The following CPNE4 variants were observed in gnomAD, a reference collection of about 807,000 sequenced individuals.
CPNE4 encodes copine 4.
In CPNE4, 25 loss-of-function variants were observed where a neutral mutation model predicts 67.9. The ratio of observed to expected loss-of-function variants is 0.37; its 90% CI spans 0.27 to 0.51. The LOEUF (loss-of-function observed/expected upper bound fraction) is 0.51, where lower values mean the gene tolerates loss of function less well. CPNE4 is among the 20% of genes least tolerant of loss of function. The pLI, the probability that CPNE4 is intolerant of heterozygous loss-of-function variation, is 0.93. For missense variants in CPNE4, 464 were observed against 690.8 expected (o/e 0.67, Z 3.68); for synonymous variants, 242 against 244.9 (o/e 0.99, Z 0.11).
chr3:131,773,458 C>T (rs1422270230), intron 2 of CPNE4, among the ~76,000 whole-genome samples: 3 of 152,044 alleles, frequency 2.0e-5, no homozygotes, highest in African/African-American at 7.2e-5. Flanking sequence ...AGCGATTCTC[C>T]TGCCTCAGCC....
At chr3:131,750,583 T>C (rs1363613012) in intron 2 of CPNE4, among the ~76,000 whole-genome samples, 2 of 152,144 alleles carry the variant, frequency 1.3e-5, no homozygotes, top group Non-Finnish European at 2.9e-5. Flanking sequence ...AATGTCCTTT[T>C]ATTATCCCTG....
At chr3:131,603,384 T>G (rs1276790629) in intron 7 of CPNE4, among the ~76,000 whole-genome samples, 1 of 152,152 alleles carries the variant, frequency 6.6e-6, no homozygotes, top group Non-Finnish European at 1.5e-5. Context: ...GGGCACCTAA[T>G]AGGGACTCAA....
chr3:131,724,796 G>A (rs978195142), intron 2 of CPNE4, among the ~76,000 whole-genome samples: 2 of 152,060 alleles, frequency 1.3e-5, no homozygotes, highest in Admixed American at 6.5e-5. Context: ...GCCCATTCCC[G>A]TGTACAGAGT....
At chr3:131,970,339 T>A (rs2072468617) in intron 1 of CPNE4, among the ~76,000 whole-genome samples, 1 of 152,210 alleles carries the variant, frequency 6.6e-6, no homozygotes, top group Admixed American at 6.5e-5. Context: ...TCACTGAGAT[T>A]TGGAGCTTAT....
chr3:131,845,270 A>T (rs1321721050), intron 2 of CPNE4, among the ~76,000 whole-genome samples: 1 of 152,172 alleles, frequency 6.6e-6, no homozygotes, highest in East Asian at 1.9e-4. Flanking sequence ...ATACTCTACC[A>T]TTCAAATATA....
chr3:131,542,730 C>T lies in CPNE4; in HGVS notation c.1366G>A (p.Ala456Thr). ...VITDMADTRE[A>T]IVHASHLPMS... Reference sequence around the variant, plus strand: ...GGGAGGTGGGAGGCATGGACAATGGCCTCCCGGGTGTCGGCCATGTCTGTG... The same window carrying T: ...GGGAGGTGGGAGGCATGGACAATGGTCTCCCGGGTGTCGGCCATGTCTGTG... Residue 456 changes from alanine (A) to threonine (T), a missense_variant, in exon 15 of 16, where the codon GCC (alanine) becomes ACC (threonine). Around this residue, in one of 6 missense-constraint regions of CPNE4, gnomAD observed 201 missense variants for 357.7 expected, o/e 0.56. Transcript: ENST00000429747. 1.2e-6 allele frequency: 2 copies of T among 1,614,044 alleles called. No individual in the cohort carries two copies. The highest frequency in any genetic ancestry group is 1.7e-6 in the Non-Finnish European group (2 of 1,179,986).
chr3:131,588,666 T>C (rs1938337260), intron 7 of CPNE4, among the ~76,000 whole-genome samples: 1 of 152,198 alleles, frequency 6.6e-6, no homozygotes. Context: ...TGTTTCCCCC[T>C]AAATTTATTC....
intron 10 of CPNE4, among the ~76,000 whole-genome samples, chr3:131,568,286 C>A (rs963773645): frequency 8.6e-5 from 13 of 151,788 alleles, no homozygotes; most frequent in African/African-American, 3.1e-4. Context: ...GGTCTTCCAC[C>A]AAGAATTCTC....
intron 7 of CPNE4, among the ~76,000 whole-genome samples, chr3:131,604,674 G>C (rs146356932): frequency 1.5e-3 from 231 of 152,208 alleles, no homozygotes; most frequent in African/African-American, 5.2e-3. Flanking sequence ...CTTCAGTTTT[G>C]GAACTCGGAC....
chr3:131,717,935 T>TTTCTTTCTTTC (rs2081771860), intron 3 of CPNE4, among the ~76,000 whole-genome samples: 1 of 139,454 alleles, frequency 7.2e-6, no homozygotes, highest in South Asian at 2.3e-4. Context: ...TCTTTCTTTC[T>TTTCTTTCTTTC]TTCTTTCTTT....
chr3:131,886,895 C>T (rs573626501), intron 2 of CPNE4, among the ~76,000 whole-genome samples: 2 of 152,304 alleles, frequency 1.3e-5, no homozygotes, highest in East Asian at 1.9e-4. Flanking sequence ...ATTTTACAGG[C>T]TCATAGACAG....
rs188913046 is a variant in CPNE4, at chr3:131,877,130, G to C, written c.180+28134C>G. Among the ~76,000 whole-genome samples the C allele has an allele frequency of 3.3e-3, 501 of 151,966 alleles. 3 individuals are homozygous for C. The highest frequency in any genetic ancestry group is 0.011 in the African/African-American group (460 of 41,436). On this transcript the variant is annotated intron_variant, in intron 2 of 15. Transcript: ENST00000429747. ...TCTAGTAGTAACCAGTGACACACTG[G>C]CCATTAAATGGCCATTGAGATATAA...
At chr3:131,770,034 T>G (rs922280346) in intron 2 of CPNE4, among the ~76,000 whole-genome samples, 1 of 152,170 alleles carries the variant, frequency 6.6e-6, no homozygotes, top group Non-Finnish European at 1.5e-5. Flanking sequence ...AACCTCAACC[T>G]TGAAACGACC....
At chr3:131,863,843 G>C (rs565615996) in intron 2 of CPNE4, among the ~76,000 whole-genome samples, 1 of 152,208 alleles carries the variant, frequency 6.6e-6, no homozygotes, top group East Asian at 1.9e-4. Flanking sequence ...TTTTAGGTCT[G>C]ACATTTAAGT....
chr3:131,875,233 A>G (rs2087388442), intron 2 of CPNE4, among the ~76,000 whole-genome samples: 1 of 152,260 alleles, frequency 6.6e-6, no homozygotes, highest in East Asian at 1.9e-4. Context: ...AAAAAAAAAG[A>G]CTAAATCTTT....
chr3:132,003,034 T>C (rs757111512), intron 1 of CPNE4, among the ~76,000 whole-genome samples: 5 of 152,156 alleles, frequency 3.3e-5, no homozygotes, highest in Admixed American at 6.6e-5. Flanking sequence ...GATCTCCAGA[T>C]GATTCATATG....
chr3:131,989,722 T>G (rs2073133732), intron 1 of CPNE4, among the ~76,000 whole-genome samples: 1 of 136,852 alleles, frequency 7.3e-6, no homozygotes, highest in South Asian at 2.5e-4. Context: ...AGGTGAGGAA[T>G]AAATCCAAAT....
intron 1 of CPNE4, among the ~76,000 whole-genome samples, chr3:131,953,246 A>AAAAAAAT (rs1354326085): frequency 6.2e-5 from 4 of 65,014 alleles, no homozygotes; most frequent in Admixed American, 1.7e-4. Context: ...AATTAAAAAA[A>AAAAAAAT]AAAAAAAAAA....
chr3:132,037,738 C>A, upstream of CPNE4: 1 of 718,638 alleles, frequency 1.4e-6, no homozygotes, highest in Non-Finnish European at 2.4e-6. Flanking sequence ...AGGAGGCATC[C>A]GCTCAGTGTC....
Sources: gnomAD v4.1 joint callset for allele counts (sites outside exome capture counted in the v4.1 genomes callset) on GRCh38, gnomAD v4.1.1 for gene constraint, gnomAD v4.1.1 regional missense constraint, MANE v1.5 for transcripts, NCBI Gene and HGNC (gene_info 2026-07-23, HGNC 2026-07-21) for gene names.